PTPRD: variants seen among roughly 807,000 people sequenced by gnomAD.
The protein encoded by PTPRD is protein tyrosine phosphatase receptor type D.
Under a neutral mutation model 214.5 loss-of-function variants are expected in PTPRD, and 34 were observed. The observed-to-expected ratio is 0.16, with a 90% CI of 0.12 to 0.21. The LOEUF (loss-of-function observed/expected upper bound fraction) is 0.21, where lower values mean the gene tolerates loss of function less well. Among genes scored for constraint, PTPRD ranks in the 10% least tolerant of loss-of-function variants. The pLI, the probability that PTPRD is intolerant of heterozygous loss-of-function variation, is 1.00. For synonymous variants in PTPRD, 1,128 were observed against 845.7 expected, an observed-to-expected ratio of 1.33 and a Z score of -5.79; for missense variants, 2,545 against 2,398.7, an observed-to-expected ratio of 1.06 and a Z score of -1.27.
chr9:10,176,000 CTTG>C (rs2099246403), intron 3 of PTPRD, among the ~76,000 whole-genome samples: 1 of 151,822 alleles, frequency 6.6e-6, no homozygotes, highest in Non-Finnish European at 1.5e-5. Flanking sequence ...CTGCAAATGG[CTTG>C]TTATTGTTCC....
At chr9:9,851,019 C>A (rs559110162) in intron 5 of PTPRD, among the ~76,000 whole-genome samples, 100 of 152,128 alleles carry the variant, frequency 6.6e-4, no homozygotes, top group Non-Finnish European at 1.3e-3. Context: ...TGATTTTAGA[C>A]AAAATTATTT....
intron 12 of PTPRD, among the ~76,000 whole-genome samples, chr9:8,681,661 G>A (rs1293599497): frequency 2.0e-5 from 3 of 152,164 alleles, no homozygotes; most frequent in Non-Finnish European, 2.9e-5. Context: ...AGCCCTGAAC[G>A]ATGTGCATGC....
At chr9:9,586,252 C>A (rs1563873900) in intron 7 of PTPRD, among the ~76,000 whole-genome samples, 1 of 151,940 alleles carries the variant, frequency 6.6e-6, no homozygotes, top group South Asian at 2.1e-4. Flanking sequence ...TGCTGTAGAC[C>A]TCATTATTTG....
chr9:8,823,527 G>A (rs1410532775), intron 11 of PTPRD, among the ~76,000 whole-genome samples: 1 of 152,110 alleles, frequency 6.6e-6, no homozygotes, highest in African/African-American at 2.4e-5. Flanking sequence ...GCGCGTGCCT[G>A]TAAGTCCCAG....
rs71485303 is a variant in PTPRD at position 9,783,819 on chromosome 9, GTTT to G, written c.-367-16971_-367-16969del. Among the ~76,000 whole-genome samples the G allele has an allele frequency of 2.2e-3, 309 of 137,450 alleles. 1 individual carries two copies. Among genetic ancestry groups the G allele is most frequent in the East Asian group, 4.8e-3 (23 of 4,782 alleles). 90.2% of individuals were successfully genotyped at this position (137,450 alleles called of 152,430 possible). ...TTCATCTGTTTTTCTCTCCTGCTTC[GTTT>G]TTTTTTTTTTTTTTTAATTAAACTT... On this transcript the variant is annotated intron_variant, in intron 5 of 45. Transcript: ENST00000381196.
chr9:8,443,867 G>C (rs142904193), intron 34 of PTPRD, among the ~76,000 whole-genome samples: 88 of 151,996 alleles, frequency 5.8e-4, no homozygotes, highest in African/African-American at 2.1e-3. Context: ...TTCTTTGCTG[G>C]GAAAAAGAAG....
intron 5 of PTPRD, among the ~76,000 whole-genome samples, chr9:9,876,485 GA>G (rs943999042): frequency 5.3e-5 from 8 of 149,606 alleles, no homozygotes; most frequent in African/African-American, 2.0e-4. Context: ...ATATCACCTC[GA>G]AAAAAAAACT....
At chr9:8,772,618 G>C (rs1307274647) in intron 11 of PTPRD, among the ~76,000 whole-genome samples, 1 of 151,934 alleles carries the variant, frequency 6.6e-6, no homozygotes, top group Non-Finnish European at 1.5e-5. Flanking sequence ...AATCCAGCCT[G>C]GGCAATAGAG....
At chr9:10,280,989 T>C (rs1449893974) in intron 3 of PTPRD, among the ~76,000 whole-genome samples, 2 of 152,156 alleles carry the variant, frequency 1.3e-5, no homozygotes, top group African/African-American at 4.8e-5. Context: ...GAACCACTGG[T>C]CTAGAAAGAA....
intron 36 of PTPRD, among the ~76,000 whole-genome samples, chr9:8,395,331 T>C (rs917224414): frequency 6.6e-6 from 1 of 152,048 alleles, no homozygotes; most frequent in Admixed American, 6.6e-5. Context: ...TTTACAACAA[T>C]GTGGCAAAAA....
intron 10 of PTPRD, among the ~76,000 whole-genome samples, chr9:9,098,794 A>T (rs10977491): frequency 0.12 from 18,025 of 152,214 alleles, 1,290 homozygotes; most frequent in East Asian, 0.23. Context: ...TTTGTATGTA[A>T]TACAAGGCAG....
At chr9:8,763,579 T>C (rs1229470963) in intron 11 of PTPRD, among the ~76,000 whole-genome samples, 2 of 151,102 alleles carry the variant, frequency 1.3e-5, no homozygotes, top group African/African-American at 4.9e-5. Flanking sequence ...ATATATAGTA[T>C]AACATAACAC....
chr9:8,755,295 C>G (rs768795275), intron 11 of PTPRD, among the ~76,000 whole-genome samples: 1 of 151,080 alleles, frequency 6.6e-6, no homozygotes, highest in Non-Finnish European at 1.5e-5. Flanking sequence ...TTTGGGAGGC[C>G]GAGGTGGACG....
chr9:10,606,756 G>A (rs1230031682), intron 2 of PTPRD, among the ~76,000 whole-genome samples: 1 of 151,752 alleles, frequency 6.6e-6, no homozygotes, highest in East Asian at 1.9e-4. Context: ...TGAACACAAT[G>A]CTTGCCTGGC....
intron 2 of PTPRD, among the ~76,000 whole-genome samples, chr9:10,415,014 G>A (rs1400498064): frequency 1.3e-5 from 2 of 151,738 alleles, no homozygotes; most frequent in Admixed American, 1.3e-4. Context: ...AGGTGATGAA[G>A]TAATCTGTAC....
chr9:8,405,851 C>T (rs1470965638), intron 35 of PTPRD, among the ~76,000 whole-genome samples: 1 of 152,014 alleles, frequency 6.6e-6, no homozygotes. Flanking sequence ...GGGAGTAAAA[C>T]ATACCCCCAA....
chr9:9,475,922 T>A (rs1364553607), intron 8 of PTPRD, among the ~76,000 whole-genome samples: 1 of 152,138 alleles, frequency 6.6e-6, no homozygotes, highest in Non-Finnish European at 1.5e-5. Flanking sequence ...GCAGTGGTAG[T>A]TTCACACATT....
chr9:10,247,187 G>A (rs764826032), intron 3 of PTPRD, among the ~76,000 whole-genome samples: 2 of 152,062 alleles, frequency 1.3e-5, no homozygotes, highest in African/African-American at 2.4e-5. Flanking sequence ...TCATATTAAT[G>A]AGAAACCTAC....
At chr9:9,458,506 G>A (rs1051293097) in intron 8 of PTPRD, among the ~76,000 whole-genome samples, 6 of 152,034 alleles carry the variant, frequency 3.9e-5, no homozygotes, top group African/African-American at 7.2e-5. Context: ...TGTATGAAGT[G>A]TATGAAATGT....
Sources: allele counts gnomAD v4.1 joint callset (sites outside exome capture counted in the v4.1 genomes callset), GRCh38; gene constraint gnomAD v4.1.1; transcripts MANE v1.5; gene names NCBI Gene and HGNC (gene_info 2026-07-23, HGNC 2026-07-21).